The following KCND2 variants were observed in gnomAD, a reference collection of about 807,000 sequenced individuals.
KCND2 encodes potassium voltage-gated channel subfamily D member 2.
A neutral mutation model predicts 54.4 loss-of-function variants in KCND2; 16 were observed. That is an observed-to-expected ratio of 0.29 (90% CI 0.20 to 0.45). The LOEUF is 0.45. Ranked by LOEUF, KCND2 falls within the 20% of genes least tolerant of loss-of-function variation. The pLI, the probability that KCND2 is intolerant of heterozygous loss-of-function variation, is 1.00. For missense variants in KCND2, 486 were observed against 824.2 expected, an observed-to-expected ratio of 0.59 and a Z score of 5.02; for synonymous variants, 317 against 310.7, an observed-to-expected ratio of 1.02 and a Z score of -0.21.
chr7:120,302,153 A>C (rs1799592554), intron 1 of KCND2, among the ~76,000 whole-genome samples: 1 of 152,040 alleles, frequency 6.6e-6, no homozygotes, highest in Non-Finnish European at 1.5e-5. Context: ...AGTAGTGAAG[A>C]CTCCCTAAAA....
chr7:120,517,656 A>G (rs1803216182), intron 1 of KCND2, among the ~76,000 whole-genome samples: 1 of 152,176 alleles, frequency 6.6e-6, no homozygotes, highest in Non-Finnish European at 1.5e-5. Flanking sequence ...CCAACTGCTT[A>G]GCACATTACT....
At chr7:120,555,707 A>G (rs565043277) in intron 1 of KCND2, among the ~76,000 whole-genome samples, 1 of 152,354 alleles carries the variant, frequency 6.6e-6, no homozygotes, top group East Asian at 1.9e-4. Context: ...ATCAAATGTG[A>G]AGATAATGAC....
intron 1 of KCND2, among the ~76,000 whole-genome samples, chr7:120,451,298 C>T (rs769471679): frequency 4.6e-5 from 7 of 152,006 alleles, no homozygotes; most frequent in East Asian, 1.9e-4. Flanking sequence ...CTAGGAAGCA[C>T]GAGTTATTAA....
intron 1 of KCND2, among the ~76,000 whole-genome samples, chr7:120,400,313 G>C (rs1368599553): frequency 6.6e-6 from 1 of 152,084 alleles, no homozygotes; most frequent in Non-Finnish European, 1.5e-5. Flanking sequence ...TTTAAAAAAT[G>C]TATTTTATGA....
intron 1 of KCND2, among the ~76,000 whole-genome samples, chr7:120,718,476 T>A (rs1311319725): frequency 6.6e-6 from 1 of 152,182 alleles, no homozygotes; most frequent in Non-Finnish European, 1.5e-5. Flanking sequence ...TCAGTGTCCC[T>A]CCATAAGGTT....
intron 1 of KCND2, among the ~76,000 whole-genome samples, chr7:120,449,344 AT>A (rs1318340742): frequency 1.8e-4 from 28 of 151,810 alleles, no homozygotes; most frequent in Non-Finnish European, 3.4e-4. Context: ...AAAAAAAAAA[AT>A]ATTTTCTCCT....
intron 1 of KCND2, among the ~76,000 whole-genome samples, chr7:120,463,581 A>G (rs1004897542): frequency 6.6e-6 from 1 of 152,062 alleles, no homozygotes; most frequent in Non-Finnish European, 1.5e-5. Context: ...TGAAAACAAA[A>G]TTATTCAGCT....
chr7:120,695,211 T>G (rs1413861446), intron 1 of KCND2, among the ~76,000 whole-genome samples: 1 of 150,862 alleles, frequency 6.6e-6, no homozygotes, highest in Non-Finnish European at 1.5e-5. Context: ...GTTTTATATA[T>G]ATTATATATA....
chr7:120,506,245 T>A (rs769522853), intron 1 of KCND2, among the ~76,000 whole-genome samples: 2 of 151,706 alleles, frequency 1.3e-5, no homozygotes, highest in Non-Finnish European at 3.0e-5. Context: ...GTGCCAAAAA[T>A]ATGCTAGATG....
chr7:120,561,615 T>G (rs937091611), intron 1 of KCND2, among the ~76,000 whole-genome samples: 3 of 140,156 alleles, frequency 2.1e-5, no homozygotes, highest in African/African-American at 8.0e-5. Context: ...TTTTTTTTTT[T>G]TTTTTTTTTT....
At chr7:120,590,200 G>T (rs928495761) in intron 1 of KCND2, among the ~76,000 whole-genome samples, 1 of 151,994 alleles carries the variant, frequency 6.6e-6, no homozygotes, top group Non-Finnish European at 1.5e-5. Context: ...TGTATTTTTA[G>T]TAGAGATGGG....
intron 1 of KCND2, among the ~76,000 whole-genome samples, chr7:120,375,469 T>C (rs1224125215): frequency 6.6e-6 from 1 of 151,826 alleles, no homozygotes; most frequent in Non-Finnish European, 1.5e-5. Flanking sequence ...TTCAGTTCTA[T>C]TTCTTGTCAG....
At chr7:120,573,802 C>A (rs1792394591) in intron 1 of KCND2, among the ~76,000 whole-genome samples, 1 of 151,666 alleles carries the variant, frequency 6.6e-6, no homozygotes, top group African/African-American at 2.4e-5. Context: ...AAGCAAGATA[C>A]CAGACATTGA....
intron 1 of KCND2, among the ~76,000 whole-genome samples, chr7:120,397,549 A>G (rs1474783750): frequency 2.6e-5 from 4 of 152,032 alleles, no homozygotes; most frequent in Non-Finnish European, 5.9e-5. Context: ...GCTAAGTTTA[A>G]TAATATTCTT....
intron 5 of KCND2, chr7:120,746,630 C>A (rs1793011455): frequency 6.5e-6 from 1 of 152,992 alleles, no homozygotes; most frequent in Admixed American, 6.5e-5. Flanking sequence ...AGTAAAACTT[C>A]CATATTGATA....
intron 1 of KCND2, among the ~76,000 whole-genome samples, chr7:120,552,442 T>C (rs577331798): frequency 4.1e-4 from 63 of 152,324 alleles, no homozygotes; most frequent in African/African-American, 1.5e-3. Flanking sequence ...GAGAAAAGCA[T>C]ACAAATGTAT....
intron 1 of KCND2, among the ~76,000 whole-genome samples, chr7:120,414,200 A>G (rs952626364): frequency 4.6e-5 from 7 of 152,108 alleles, no homozygotes; most frequent in East Asian, 1.9e-4. Flanking sequence ...AAGATGCACT[A>G]TAATAGTTAA....
intron 1 of KCND2, among the ~76,000 whole-genome samples, chr7:120,561,299 AGTAGAAAATATG>A: frequency 6.6e-6 from 1 of 152,318 alleles, no homozygotes; most frequent in Admixed American, 6.5e-5. Flanking sequence ...AGGAGAGATG[AGTAGAAAATATG>A]GTAAATAAAA....
chr7:120,417,425 A>G (rs1271184163), intron 1 of KCND2, among the ~76,000 whole-genome samples: 1 of 152,142 alleles, frequency 6.6e-6, no homozygotes, highest in Non-Finnish European at 1.5e-5. Context: ...AGATGACTGA[A>G]AAGATTTATT....
Sources: allele counts gnomAD v4.1 joint callset (sites outside exome capture counted in the v4.1 genomes callset), GRCh38; gene constraint gnomAD v4.1.1; transcripts MANE v1.5; gene names NCBI Gene and HGNC (gene_info 2026-07-23, HGNC 2026-07-21).